The following MAGI2 variants were observed in gnomAD, a reference collection of about 807,000 sequenced individuals.
The protein encoded by MAGI2 is membrane associated guanylate kinase, WW and PDZ domain containing 2.
Under a neutral mutation model 133.3 loss-of-function variants are expected in MAGI2, and 35 were observed. The observed-to-expected ratio is 0.26, with a 90% CI of 0.20 to 0.35. The LOEUF (loss-of-function observed/expected upper bound fraction) is 0.35, where lower values mean the gene tolerates loss of function less well. Among genes scored for constraint, MAGI2 ranks in the 10% least tolerant of loss-of-function variants. The probability of loss-of-function intolerance (pLI) is 1.00; values close to 1 mark genes in which losing one functional copy is unlikely to be tolerated. For synonymous variants in MAGI2, 729 were observed against 710.6 expected (o/e 1.03, Z -0.41); for missense variants, 1,636 against 1,863.4 (o/e 0.88, Z 2.25).
At chr7:78,852,271 T>C (rs1490441527) in intron 2 of MAGI2, among the ~76,000 whole-genome samples, 1 of 152,126 alleles carries the variant, frequency 6.6e-6, no homozygotes, top group Non-Finnish European at 1.5e-5. Flanking sequence ...TGTCTTATTC[T>C]TTTGCAGGAG....
rs759097776 is a variant in MAGI2 at position 78,521,500 on chromosome 7, A to G, written c.684T>C (p.Ser228=). ...NKSVSNMEKA[S]IEPPEEEEEE... is the part of the protein sequence containing the mutation. ...CCTCTTCCTCCTCAGGAGGCTCTAT[A>G]CTGGCTTTCTCCATGTTGCTCACTG... Residue 228 remains serine, a synonymous_variant, in exon 4 of 22, where the codon AGT becomes AGC. Transcript: ENST00000354212. 19 of 1,614,022 alleles carry G rather than the reference A, an allele frequency of 1.2e-5. No individual in the cohort carries two copies. The South Asian group carries it at 1.8e-4, about 15-fold the overall frequency.
chr7:79,176,211 A>T (rs924530949), intron 1 of MAGI2, among the ~76,000 whole-genome samples: 27 of 152,060 alleles, frequency 1.8e-4, no homozygotes, highest in Middle Eastern at 3.4e-3. Flanking sequence ...TTAAGGAAGG[A>T]CCTGCTGCCT....
At chr7:79,357,997 C>G (rs796545901) in intron 1 of MAGI2, among the ~76,000 whole-genome samples, 19 of 151,946 alleles carry the variant, frequency 1.3e-4, no homozygotes, top group African/African-American at 4.3e-4. Flanking sequence ...TGTTCAGGAC[C>G]TTGATTTGTA....
At chr7:78,728,354 T>C (rs193139354) in intron 2 of MAGI2, among the ~76,000 whole-genome samples, 1 of 152,120 alleles carries the variant, frequency 6.6e-6, no homozygotes, top group Admixed American at 6.5e-5. Context: ...AAATGATCTA[T>C]CATATGCTAT....
chr7:78,161,340 G>T (rs1267765396), intron 15 of MAGI2, among the ~76,000 whole-genome samples: 1 of 152,116 alleles, frequency 6.6e-6, no homozygotes. Flanking sequence ...CTGATGAAAA[G>T]AACCGAAGCA....
chr7:79,004,005 A>T (rs2116489451), intron 2 of MAGI2, among the ~76,000 whole-genome samples: 1 of 152,346 alleles, frequency 6.6e-6, no homozygotes, highest in South Asian at 2.1e-4. Flanking sequence ...TGTTGGTAGG[A>T]ATGTAAATTA....
Position 79,260,763 on chromosome 7 carries a change from G to A in MAGI2, c.301+192257C>T, listed in dbSNP as rs567450887. ...TATGCATATAAGATGTATATGAAACGTAAGTGAATCTCATGTTTAGACTTG... is the reference window on the plus strand; with the variant it reads ...TATGCATATAAGATGTATATGAAACATAAGTGAATCTCATGTTTAGACTTG... On this transcript the variant is annotated intron_variant, in intron 1 of 21. Coordinates refer to ENST00000354212, the MANE Select transcript of MAGI2 (RefSeq NM_012301.4). Among the ~76,000 whole-genome samples the A allele has an allele frequency of 4.4e-4, 67 of 152,246 alleles. 5 individuals carry two copies. In the South Asian group the frequency reaches 0.012, roughly 26 times the overall value.
At chr7:78,616,936 C>A (rs1807170768) in intron 3 of MAGI2, 1 of 152,124 alleles carries the variant, frequency 6.6e-6, no homozygotes, top group Admixed American at 6.5e-5. Context: ...AACAAATTTT[C>A]TGACTCTCTG....
At chr7:79,062,435 T>A (rs1813847514) in intron 1 of MAGI2, among the ~76,000 whole-genome samples, 1 of 152,162 alleles carries the variant, frequency 6.6e-6, no homozygotes, top group Non-Finnish European at 1.5e-5. Context: ...TTGTGGTAGT[T>A]TTTTGAAGCT....
intron 9 of MAGI2, among the ~76,000 whole-genome samples, chr7:78,287,098 C>A (rs1796221657): frequency 6.6e-6 from 1 of 152,068 alleles, no homozygotes; most frequent in Admixed American, 6.6e-5. Context: ...AGGGGAGTGG[C>A]ATAATCATTT....
intron 2 of MAGI2, among the ~76,000 whole-genome samples, chr7:78,849,765 T>TC (rs1261936364): frequency 6.6e-6 from 1 of 152,060 alleles, no homozygotes; most frequent in African/African-American, 2.4e-5. Flanking sequence ...TAATACTTAA[T>TC]AATGTCTCAG....
intron 6 of MAGI2, among the ~76,000 whole-genome samples, chr7:78,480,996 C>A (rs1487222395): frequency 6.6e-6 from 1 of 151,878 alleles, no homozygotes; most frequent in Non-Finnish European, 1.5e-5. Flanking sequence ...TTATTGTCAA[C>A]TTAATCTGGA....
At chr7:78,469,455 ATG>A (rs1350110465) in intron 6 of MAGI2, among the ~76,000 whole-genome samples, 1 of 152,162 alleles carries the variant, frequency 6.6e-6, no homozygotes, top group African/African-American at 2.4e-5. Context: ...ATTGAAGAAC[ATG>A]TGCTACACAA....
intron 2 of MAGI2, among the ~76,000 whole-genome samples, chr7:78,794,595 A>C (rs554912692): frequency 5.6e-4 from 74 of 133,248 alleles, no homozygotes; most frequent in African/African-American, 2.0e-3. Context: ...TGTCCTGTTC[A>C]TGCAAAAGAA....
At chr7:79,214,255 T>C (rs983480780) in intron 1 of MAGI2, among the ~76,000 whole-genome samples, 1 of 150,808 alleles carries the variant, frequency 6.6e-6, no homozygotes, top group African/African-American at 2.4e-5. Context: ...TTTTATTACA[T>C]GACATGAACA....
rs1460071122 is a variant in MAGI2, at chr7:78,168,021, T to A, written c.2491A>T (p.Ile831Phe). The change falls in exon 15 of 22, where the codon ATT becomes TTT. Residue 831 changes from isoleucine to phenylalanine, a missense_variant. Physicochemically the swap from Ile to Phe is conservative, Grantham distance 21. This residue lies in a region of MAGI2 where 920 missense variants were observed against 1,093.5 expected (regional missense o/e 0.84). Coordinates refer to ENST00000354212, the MANE Select transcript of MAGI2 (RefSeq NM_012301.4). ...PGDELVYVDG[I>F]PVAGKTHRYV... is the part of the protein sequence containing the mutation. ...CGGTGGGTTTTGCCGGCTACTGGAATCCCATCAACATACACAAGCTCATCT... is the reference window on the plus strand; with the variant it reads ...CGGTGGGTTTTGCCGGCTACTGGAAACCCATCAACATACACAAGCTCATCT... 1 of 1,614,132 alleles carries A rather than the reference T, an allele frequency of 6.2e-7. No individual in the cohort carries two copies. The highest frequency in any genetic ancestry group is 1.1e-5 in the South Asian group (1 of 91,064).
chr7:78,406,783 G>T (rs2151364449), intron 6 of MAGI2, among the ~76,000 whole-genome samples: 1 of 152,128 alleles, frequency 6.6e-6, no homozygotes, highest in Admixed American at 6.6e-5. Context: ...GCTATGGTAA[G>T]GATAAAGCTG....
chr7:78,476,261 C>G (rs1791738443), intron 6 of MAGI2, among the ~76,000 whole-genome samples: 1 of 151,704 alleles, frequency 6.6e-6, no homozygotes, highest in Non-Finnish European at 1.5e-5. Context: ...TTTTTGTAGC[C>G]TCGAACCACT....
intron 2 of MAGI2, among the ~76,000 whole-genome samples, chr7:79,002,380 G>A (rs992542843): frequency 2.0e-5 from 3 of 151,754 alleles, no homozygotes; most frequent in Non-Finnish European, 4.4e-5. Context: ...CTGGGCTCAA[G>A]TTCCTAAGGA....
Sources: allele counts gnomAD v4.1 joint callset (sites outside exome capture counted in the v4.1 genomes callset), GRCh38; gene constraint gnomAD v4.1.1; regional missense constraint gnomAD v4.1.1; transcripts MANE v1.5; gene names NCBI Gene and HGNC (gene_info 2026-07-23, HGNC 2026-07-21).